Variants in RARB observed in about 807,000 individuals in gnomAD.
RARB encodes HBV-activated protein.
Under a neutral mutation model 51.9 loss-of-function variants are expected in RARB, and 17 were observed. The ratio of observed to expected loss-of-function variants is 0.33; its 90% CI spans 0.22 to 0.49. RARB has a LOEUF of 0.49. Among genes scored for constraint, RARB ranks in the 20% least tolerant of loss-of-function variants. The pLI is 0.99. For missense variants in RARB, 369 were observed against 550.8 expected, an observed-to-expected ratio of 0.67 and a Z score of 3.30; for synonymous variants, 215 against 195.4, an observed-to-expected ratio of 1.10 and a Z score of -0.84.
At chr3:25,206,345 G>A (rs564204111) in intron 5 of RARB, among the ~76,000 whole-genome samples, 1 of 152,258 alleles carries the variant, frequency 6.6e-6, no homozygotes, top group Non-Finnish European at 1.5e-5. Context: ...AATCTCGAAT[G>A]TTTACTTGTT....
At chr3:25,191,380 T>A (rs73147305) in intron 5 of RARB, among the ~76,000 whole-genome samples, 1 of 152,104 alleles carries the variant, frequency 6.6e-6, no homozygotes, top group Non-Finnish European at 1.5e-5. Flanking sequence ...TTCCACCTTA[T>A]AATGTGGTCA....
At position 25,577,329 on chromosome 3, in the gene RARB, C is replaced by T. The variant is rs571547994; in HGVS notation, c.610-3217C>T. On this transcript the variant is annotated intron_variant, in intron 4 of 7. Coordinates refer to ENST00000330688, the MANE Select transcript of RARB (RefSeq NM_000965.5). ...GTGAAAAGTAAAGAGAGTCGGTGAT[C>T]GTTAAGCATGTAGAACAGTGCCTGG... Among the ~76,000 whole-genome samples, 3 of 152,232 alleles carry T rather than the reference C, an allele frequency of 2.0e-5. No homozygotes were observed. The East Asian group carries it at 5.8e-4, about 29-fold the overall frequency.
chr3:25,186,885 C>CTGTGTGTGTGTGTGTGTGTGTGTG (rs71057702), intron 5 of RARB, among the ~76,000 whole-genome samples: 4 of 114,220 alleles, frequency 3.5e-5, no homozygotes, highest in African/African-American at 1.3e-4. Flanking sequence ...AAAGGTAAGC[C>CTGTGTGTGTGTGTGTGTGTGTGTG]TGTGTGTGTG....
chr3:24,872,925 T>G (rs1702974743), intron 2 of RARB, among the ~76,000 whole-genome samples: 1 of 152,238 alleles, frequency 6.6e-6, no homozygotes, highest in Non-Finnish European at 1.5e-5. Flanking sequence ...TTCACACCAG[T>G]TATTTTCTAA....
chr3:25,258,198 G>A (rs1242805455), intron 5 of RARB, among the ~76,000 whole-genome samples: 2 of 152,072 alleles, frequency 1.3e-5, no homozygotes, highest in African/African-American at 4.8e-5. Context: ...CTTGAACTCA[G>A]TAATTCCATG....
chr3:25,367,827 AC>A (rs200308761), intron 5 of RARB, among the ~76,000 whole-genome samples: 49 of 150,006 alleles, frequency 3.3e-4, no homozygotes, highest in African/African-American at 9.4e-4. Flanking sequence ...CAAAAAAAAA[AC>A]AAAAACAAAA....
intron 5 of RARB, among the ~76,000 whole-genome samples, chr3:25,217,252 A>G (rs975090289): frequency 6.6e-6 from 1 of 152,222 alleles, no homozygotes; most frequent in East Asian, 1.9e-4. Flanking sequence ...TAATTTTACC[A>G]GTGTTCAAAA....
At chr3:25,079,384 A>G (rs1698945604) in intron 3 of RARB, among the ~76,000 whole-genome samples, 1 of 152,158 alleles carries the variant, frequency 6.6e-6, no homozygotes, top group African/African-American at 2.4e-5. Flanking sequence ...ATTGTGCCAG[A>G]CAGAACCTCT....
intron 5 of RARB, among the ~76,000 whole-genome samples, chr3:25,408,078 A>C (rs1707461338): frequency 6.6e-6 from 1 of 152,166 alleles, no homozygotes; most frequent in African/African-American, 2.4e-5. Context: ...ACTTAAACTC[A>C]AAACCTTGTC....
rs1701120408 is a variant in RARB at position 25,192,203 on chromosome 3, T to G, written c.178+17628T>G. Among the ~76,000 whole-genome samples, 3 of 152,146 alleles carry G rather than the reference T, an allele frequency of 2.0e-5. No individual in the cohort carries two copies. The South Asian group carries it at 6.2e-4, about 32-fold the overall frequency. ...GTATGATTCTCTAAGTACAACTAAA[T>G]AACCTCTCATAGTTAAATAATTTAT... On this transcript the variant is annotated intron_variant, in intron 5 of 11. Coordinates refer to the RARB transcript ENST00000383772.
intron 4 of RARB, among the ~76,000 whole-genome samples, chr3:25,143,960 G>A (rs970775611): frequency 1.3e-5 from 2 of 152,152 alleles, no homozygotes; most frequent in Non-Finnish European, 2.9e-5. Flanking sequence ...CTCTAAGTGG[G>A]AGAAATCAAC....
chr3:25,328,591 T>C (rs1023067264), intron 5 of RARB, among the ~76,000 whole-genome samples: 1 of 152,174 alleles, frequency 6.6e-6, no homozygotes, highest in Non-Finnish European at 1.5e-5. Flanking sequence ...AGAGCTCCAG[T>C]CTACAGCTCC....
chr3:25,253,486 G>T (rs1266957260), intron 5 of RARB, among the ~76,000 whole-genome samples: 1 of 152,160 alleles, frequency 6.6e-6, no homozygotes, highest in Non-Finnish European at 1.5e-5. Context: ...CACATACTAG[G>T]TTTTCTAGAG....
chr3:25,391,985 T>C (rs1706973838), intron 5 of RARB, among the ~76,000 whole-genome samples: 1 of 152,194 alleles, frequency 6.6e-6, no homozygotes, highest in African/African-American at 2.4e-5. Context: ...TCTAGAATGG[T>C]TTTTCTGATG....
chr3:25,218,820 G>C (rs1485907548), intron 5 of RARB, among the ~76,000 whole-genome samples: 1 of 152,176 alleles, frequency 6.6e-6, no homozygotes, highest in Non-Finnish European at 1.5e-5. Context: ...CAAGGCCTCA[G>C]AGCTGTAGAG....
At chr3:25,003,067 T>G (rs1271881698) in intron 2 of RARB, among the ~76,000 whole-genome samples, 3 of 152,058 alleles carry the variant, frequency 2.0e-5, no homozygotes, top group Non-Finnish European at 4.4e-5. Context: ...ACTTCTGAAT[T>G]TTTGGTATTA....
At chr3:24,861,001 C>T (rs907709304) in intron 2 of RARB, among the ~76,000 whole-genome samples, 3 of 152,122 alleles carry the variant, frequency 2.0e-5, no homozygotes, top group Non-Finnish European at 1.5e-5. Context: ...CCTATTGATG[C>T]ATTTCTCAGA....
At chr3:25,219,064 G>C (rs1381769954) in intron 5 of RARB, among the ~76,000 whole-genome samples, 1 of 152,130 alleles carries the variant, frequency 6.6e-6, no homozygotes, top group African/African-American at 2.4e-5. Context: ...TCAACTATAA[G>C]TATTTATTTA....
chr3:25,302,465 A>G (rs1440592000), intron 5 of RARB, among the ~76,000 whole-genome samples: 1 of 152,242 alleles, frequency 6.6e-6, no homozygotes, highest in African/African-American at 2.4e-5. Context: ...TACAACATGG[A>G]TAAACCCTGA....
Sources: allele counts gnomAD v4.1 joint callset (sites outside exome capture counted in the v4.1 genomes callset), GRCh38; gene constraint gnomAD v4.1.1; transcripts MANE v1.5; gene names NCBI Gene and HGNC (gene_info 2026-07-23, HGNC 2026-07-21).